The following UBE2E2 variants were observed in gnomAD, a reference collection of about 807,000 sequenced individuals.
The protein encoded by UBE2E2 is ubiquitin-conjugating enzyme E2 E2.
UBE2E2 carries 6 observed loss-of-function variants against 24.7 expected under a neutral mutation model. The ratio of observed to expected loss-of-function variants is 0.24; its 90% CI spans 0.13 to 0.48. UBE2E2 has a LOEUF of 0.48. Among genes scored for constraint, UBE2E2 ranks in the 20% least tolerant of loss-of-function variants. The probability of loss-of-function intolerance (pLI) is 0.99; values close to 1 mark genes in which losing one functional copy is unlikely to be tolerated. For synonymous variants in UBE2E2, 104 were observed against 83.6 expected (o/e 1.24, Z -1.33); for missense variants, 169 against 245.0 (o/e 0.69, Z 2.07).
At chr3:23,489,028 GT>G (rs551912988) in intron 3 of UBE2E2, among the ~76,000 whole-genome samples, 1 of 152,012 alleles carries the variant, frequency 6.6e-6, no homozygotes, top group African/African-American at 2.4e-5. Flanking sequence ...TACCTTTCTG[GT>G]TTTTTTACTT....
At position 23,238,060 on chromosome 3, in the gene UBE2E2, G is replaced by A. The variant is rs575796829; in HGVS notation, c.227+20748G>A. Among the ~76,000 whole-genome samples the A allele has an allele frequency of 7.0e-4, 106 of 152,256 alleles. 1 individual carries two copies. Among genetic ancestry groups the A allele is most frequent in the African/African-American group, 2.5e-3 (104 of 41,556 alleles). ...ATTCCATCCACAAGTACTCAGAACT[G>A]TGGGGACCTGGAATAAATATGAGAT... is the stretch of plus-strand genomic sequence containing the variant. On this transcript the variant is annotated intron_variant, in intron 3 of 5. Transcript: ENST00000396703.
chr3:23,307,824 G>A (rs1699278412), intron 3 of UBE2E2, among the ~76,000 whole-genome samples: 1 of 152,056 alleles, frequency 6.6e-6, no homozygotes, highest in African/African-American at 2.4e-5. Flanking sequence ...AATGAGTTAG[G>A]TAGTTCTAAT....
At chr3:23,396,477 G>GAC (rs1209726736) in intron 3 of UBE2E2, among the ~76,000 whole-genome samples, 17 of 151,292 alleles carry the variant, frequency 1.1e-4, no homozygotes, top group Non-Finnish European at 2.9e-5. Context: ...TACATATACA[G>GAC]ACACACACAT....
intron 5 of UBE2E2, among the ~76,000 whole-genome samples, chr3:23,558,232 A>G (rs991206758): frequency 2.0e-5 from 3 of 152,198 alleles, no homozygotes; most frequent in Non-Finnish European, 2.9e-5. Context: ...ATTGATCTGC[A>G]TGTTTCATTC....
chr3:23,582,422 T>C (rs553337431), intron 5 of UBE2E2, among the ~76,000 whole-genome samples: 27 of 152,336 alleles, frequency 1.8e-4, no homozygotes, highest in Non-Finnish European at 3.2e-4. Flanking sequence ...TACCCCGTAA[T>C]GGGATTGCTG....
At chr3:23,381,880 G>A (rs747484855) in intron 3 of UBE2E2, among the ~76,000 whole-genome samples, 1 of 152,092 alleles carries the variant, frequency 6.6e-6, no homozygotes, top group African/African-American at 2.4e-5. Flanking sequence ...GCTTTGCCCC[G>A]GAGAGTGGAG....
intron 3 of UBE2E2, among the ~76,000 whole-genome samples, chr3:23,256,273 A>G (rs536228741): frequency 6.6e-6 from 1 of 152,212 alleles, no homozygotes; most frequent in Non-Finnish European, 1.5e-5. Context: ...TCTCATCATG[A>G]TATTTCTAAT....
intron 3 of UBE2E2, among the ~76,000 whole-genome samples, chr3:23,329,498 T>C (rs1695003578): frequency 6.6e-6 from 1 of 152,244 alleles, no homozygotes. Context: ...GCCAAATGGT[T>C]GTAAATGAAT....
intron 3 of UBE2E2, among the ~76,000 whole-genome samples, chr3:23,262,356 T>C (rs895207358): frequency 1.7e-4 from 25 of 151,318 alleles, no homozygotes; most frequent in African/African-American, 5.3e-4. Context: ...TCATAGCCCA[T>C]TGCAGCCAAC....
chr3:23,535,180 T>C (rs1695222718), intron 5 of UBE2E2, among the ~76,000 whole-genome samples: 2 of 152,196 alleles, frequency 1.3e-5, no homozygotes, highest in South Asian at 4.1e-4. Flanking sequence ...GTTTTTGATA[T>C]AAAATTGGGA....
At position 23,410,517 on chromosome 3, in the gene UBE2E2, C is replaced by T. The variant is rs146008886; in HGVS notation, c.228-89091C>T. On this transcript the variant is annotated intron_variant, in intron 3 of 5. Transcript: ENST00000396703. ...ATGTTTTTATGAATGTTCTAATAAG[C>T]CTTGCAGTTTATTATGAGGATTAGG... 1.7e-3 allele frequency among the ~76,000 whole-genome samples: 266 copies of T among 152,154 alleles called. 2 individuals carry two copies. Among genetic ancestry groups the T allele is most frequent in the African/African-American group, 6.0e-3 (250 of 41,524 alleles).
At chr3:23,484,759 T>C (rs1480205266) in intron 3 of UBE2E2, among the ~76,000 whole-genome samples, 6 of 152,158 alleles carry the variant, frequency 3.9e-5, no homozygotes, top group Non-Finnish European at 8.8e-5. Flanking sequence ...AGGCAGGTCT[T>C]ACATGGTGGC....
chr3:23,270,827 G>C, intron 3 of UBE2E2: 1 of 440,208 alleles, frequency 2.3e-6, no homozygotes, highest in South Asian at 1.7e-5. Flanking sequence ...ACTCTCTTAG[G>C]TGTGCAATTG....
chr3:23,277,221 A>C (rs762700648), intron 3 of UBE2E2, among the ~76,000 whole-genome samples: 2 of 152,170 alleles, frequency 1.3e-5, no homozygotes, highest in Non-Finnish European at 2.9e-5. Context: ...ACAAAACTAA[A>C]AAAAATTAAA....
At chr3:23,299,259 A>C (rs1699003726) in intron 3 of UBE2E2, among the ~76,000 whole-genome samples, 1 of 152,174 alleles carries the variant, frequency 6.6e-6, no homozygotes, top group Non-Finnish European at 1.5e-5. Flanking sequence ...AATCTTTTGA[A>C]GGTTTTTTTG....
At chr3:23,219,355 A>G (rs1012772953) in intron 3 of UBE2E2, among the ~76,000 whole-genome samples, 1 of 152,300 alleles carries the variant, frequency 6.6e-6, no homozygotes, top group East Asian at 1.9e-4. Context: ...TGGTGTGCTT[A>G]TTAAGTGCAT....
rs144497209 is a variant in UBE2E2, at chr3:23,495,443, T to C, written c.228-4165T>C. 5.7e-3 allele frequency among the ~76,000 whole-genome samples: 872 copies of C among 152,358 alleles called. 10 individuals are homozygous for C. Among genetic ancestry groups the C allele is most frequent in the African/African-American group, 0.02 (843 of 41,594 alleles). On this transcript the variant is annotated intron_variant, in intron 3 of 5. Coordinates refer to ENST00000396703, the MANE Select transcript of UBE2E2 (RefSeq NM_152653.4). ...GGTTACCATTCTTGGGAGGCCATTT[T>C]AAGATTTCTTAAAGTGACCCAGAGA...
chr3:23,230,179 G>C (rs1029879094), intron 3 of UBE2E2, among the ~76,000 whole-genome samples: 1 of 152,054 alleles, frequency 6.6e-6, no homozygotes, highest in East Asian at 1.9e-4. Context: ...CTATTAATTG[G>C]TTAGATATTT....
chr3:23,266,305 T>C (rs566509757), intron 3 of UBE2E2, among the ~76,000 whole-genome samples: 2 of 152,356 alleles, frequency 1.3e-5, no homozygotes, highest in African/African-American at 4.8e-5. Flanking sequence ...TTTCCATGTT[T>C]AGCGCTTCCT....
Sources: allele counts gnomAD v4.1 joint callset (sites outside exome capture counted in the v4.1 genomes callset), GRCh38; gene constraint gnomAD v4.1.1; transcripts MANE v1.5; gene names NCBI Gene and HGNC (gene_info 2026-07-23, HGNC 2026-07-21).